The following HERPUD2 variants were observed in gnomAD, a reference collection of about 807,000 sequenced individuals.
HERPUD2 encodes the protein HERPUD family member 2.
Under a neutral mutation model 49.9 loss-of-function variants are expected in HERPUD2, and 13 were observed. That is an observed-to-expected ratio of 0.26 (90% CI 0.17 to 0.41). The LOEUF (loss-of-function observed/expected upper bound fraction) is 0.41. Among genes scored for constraint, HERPUD2 ranks in the 10% least tolerant of loss-of-function variants. The pLI, the probability that HERPUD2 is intolerant of heterozygous loss-of-function variation, is 1.00. For missense variants in HERPUD2, 449 were observed against 492.2 expected (o/e 0.91, Z 0.83); for synonymous variants, 172 against 171.4 (o/e 1.00, Z -0.03).
chr7:35,681,785 T>C (rs961760558), intron 2 of HERPUD2, among the ~76,000 whole-genome samples: 1 of 150,902 alleles, frequency 6.6e-6, no homozygotes, highest in African/African-American at 2.4e-5. Flanking sequence ...TGCAAATCCA[T>C]AGAAACAGAA....
chr7:35,657,675 C>T (rs1471084812), intron 5 of HERPUD2, among the ~76,000 whole-genome samples: 23 of 148,830 alleles, frequency 1.5e-4, no homozygotes, highest in Admixed American at 5.4e-4. Context: ...TTTGGGAGGC[C>T]GAGGAGGGCG....
intron 2 of HERPUD2, among the ~76,000 whole-genome samples, chr7:35,691,420 A>C (rs1358762089): frequency 6.6e-6 from 1 of 152,142 alleles, no homozygotes; most frequent in Non-Finnish European, 1.5e-5. Flanking sequence ...CTCTAGCAGC[A>C]CCAATTTATT....
chr7:35,682,886 G>T (rs1242918301), intron 2 of HERPUD2, among the ~76,000 whole-genome samples: 2 of 149,944 alleles, frequency 1.3e-5, no homozygotes, highest in Non-Finnish European at 3.0e-5. Context: ...CCTCTACAAG[G>T]AAAAACAACA....
In HERPUD2 at chr7:35,683,599, C is replaced by T. The variant is rs1785962569; in HGVS notation, c.148-10321G>A. ...ACTTAATTAAACTAAAGAACTTCTG[C>T]ATAGCAAAAGGAATAGTCAGCAGAG... On this transcript the variant is annotated intron_variant, in intron 2 of 8. Transcript: ENST00000311350. 1.3e-5 allele frequency among the ~76,000 whole-genome samples: 2 copies of T among 152,194 alleles called. 1 individual carries two copies. Among genetic ancestry groups the T allele is most frequent in the African/African-American group, 4.8e-5 (2 of 41,456 alleles).
At chr7:35,654,161 A>C (rs1262560436) in intron 5 of HERPUD2, among the ~76,000 whole-genome samples, 1 of 152,170 alleles carries the variant, frequency 6.6e-6, no homozygotes, top group Non-Finnish European at 1.5e-5. Flanking sequence ...ACCCCCAAGA[A>C]CTAGAAAAGC....
chr7:35,644,587 GT>G (rs1371947583), intron 5 of HERPUD2, among the ~76,000 whole-genome samples: 1 of 152,106 alleles, frequency 6.6e-6, no homozygotes, highest in Non-Finnish European at 1.5e-5. Context: ...GGCCAACATG[GT>G]GAAACCCCAT....
chr7:35,635,823 T>A (rs1468599130), intron 6 of HERPUD2, among the ~76,000 whole-genome samples: 1 of 152,206 alleles, frequency 6.6e-6, no homozygotes, highest in East Asian at 1.9e-4. Flanking sequence ...ATGGGATGAA[T>A]ACTCCCAAGC....
intron 2 of HERPUD2, among the ~76,000 whole-genome samples, chr7:35,690,118 C>T (rs1374192344): frequency 6.6e-6 from 1 of 152,180 alleles, no homozygotes; most frequent in Admixed American, 6.5e-5. Flanking sequence ...CACCACCAAA[C>T]AGCAATTACC....
chr7:35,659,384 A>T lies in HERPUD2; in HGVS notation c.494+8050T>A, dbSNP rs369531052. 1.8e-4 allele frequency among the ~76,000 whole-genome samples: 27 copies of T among 152,350 alleles called. No homozygotes were observed. The South Asian group carries it at 5.6e-3, about 32-fold the overall frequency. On this transcript the variant is annotated intron_variant, in intron 5 of 8. Coordinates refer to ENST00000311350, the MANE Select transcript of HERPUD2 (RefSeq NM_022373.5). ...TTATTTTCTAGCACCTAACACAAGC[A>T]TTCATTTGACTGTTTTAGTGTACCA...
chr7:35,655,961 G>T (rs1162435659), intron 5 of HERPUD2, among the ~76,000 whole-genome samples: 1 of 152,126 alleles, frequency 6.6e-6, no homozygotes. Context: ...AGGAGTTTGA[G>T]ACCAGCCTGG....
chr7:35,670,986 C>G (rs1267689499), intron 3 of HERPUD2, among the ~76,000 whole-genome samples: 2 of 151,162 alleles, frequency 1.3e-5, no homozygotes, highest in Admixed American at 6.6e-5. Context: ...ATAAAGCCAG[C>G]AAATAAGATG....
chr7:35,667,552 C>T lies in HERPUD2; in HGVS notation c.376G>A (p.Gly126Ser). The T allele has an allele frequency of 6.2e-7, 1 of 1,613,590 alleles. No homozygotes were observed. The highest frequency in any genetic ancestry group is 8.5e-7 in the Non-Finnish European group (1 of 1,179,644). Residue 126 changes from glycine to serine, a missense_variant, in exon 5 of 9, where the codon GGT becomes AGT. Transcript: ENST00000311350. The stretch of plus-strand genomic sequence containing the variant: ...ACAGCTAAAGACAAGGTTTCTTGAC[C>T]AGATGATGGAGTTGTTGATCCTGAA... ...DHSGSTTPSS[G>S]QETLSLAVGS... is the part of the protein sequence containing the mutation.
chr7:35,652,605 A>G (rs986601028), intron 5 of HERPUD2, among the ~76,000 whole-genome samples: 3 of 151,728 alleles, frequency 2.0e-5, no homozygotes, highest in Non-Finnish European at 2.9e-5. Flanking sequence ...AGAAAAAAGG[A>G]AAGAAAGGCA....
chr7:35,651,910 G>C (rs1381080968), intron 5 of HERPUD2, among the ~76,000 whole-genome samples: 3 of 152,138 alleles, frequency 2.0e-5, no homozygotes. Flanking sequence ...AAATCACCTG[G>C]TGACCACTGA....
At chr7:35,671,833 T>C (rs78137801) in intron 3 of HERPUD2, among the ~76,000 whole-genome samples, 12,573 of 151,992 alleles carry the variant, frequency 0.083, 754 homozygotes, top group South Asian at 0.21. Flanking sequence ...TCTTCATGTG[T>C]AGATTTAAGC....
chr7:35,684,788 G>A (rs1395239893), intron 2 of HERPUD2, among the ~76,000 whole-genome samples: 1 of 152,088 alleles, frequency 6.6e-6, no homozygotes, highest in African/African-American at 2.4e-5. Context: ...CACAAACAGG[G>A]TGCAGTGTAT....
At chr7:35,687,107 G>A (rs1375347099) in intron 2 of HERPUD2, among the ~76,000 whole-genome samples, 1 of 152,104 alleles carries the variant, frequency 6.6e-6, no homozygotes, top group Non-Finnish European at 1.5e-5. Context: ...TTAGGGTAAT[G>A]ATAGTTGCTA....
intron 2 of HERPUD2, among the ~76,000 whole-genome samples, chr7:35,693,893 C>A (rs1165005532): frequency 6.6e-6 from 1 of 152,140 alleles, no homozygotes; most frequent in Non-Finnish European, 1.5e-5. Context: ...GCCTTGGCCT[C>A]CCAAAGTGCT....
Position 35,635,230 on chromosome 7 carries a change from C to T in HERPUD2, c.846G>A (p.Thr282=), listed in dbSNP as rs372785880. ...FNRDWLDWMY[T]FSRAAILLSI... ...TAAGGAGAATCGCAGCTCGTGAGAA[C>T]GTGTACATCCAGTCTAGCCAGTCTC... The change falls in exon 7 of 9, where the codon ACG becomes ACA. Residue 282 remains threonine, a synonymous_variant. Transcript: ENST00000311350. 5.6e-6 allele frequency: 9 copies of T among 1,613,992 alleles called. No individual in the cohort carries two copies. The highest frequency in any genetic ancestry group is 2.2e-5 in the East Asian group (1 of 44,900).
Sources: allele counts gnomAD v4.1 joint callset (sites outside exome capture counted in the v4.1 genomes callset), GRCh38; gene constraint gnomAD v4.1.1; transcripts MANE v1.5; gene names NCBI Gene and HGNC (gene_info 2026-07-23, HGNC 2026-07-21).